The following EXOC4 variants were observed in gnomAD, a reference collection of about 807,000 sequenced individuals.
EXOC4 encodes the protein exocyst complex component 4.
EXOC4 carries 71 observed loss-of-function variants against 107.2 expected under a neutral mutation model. The ratio of observed to expected loss-of-function variants is 0.66; its 90% CI spans 0.55 to 0.81. The LOEUF is 0.81. Ranked by LOEUF, EXOC4 falls within the 30% of genes least tolerant of loss-of-function variation. The pLI, the probability that EXOC4 is intolerant of heterozygous loss-of-function variation, is 0.00. For synonymous variants in EXOC4, 456 were observed against 441.2 expected, an observed-to-expected ratio of 1.03 and a Z score of -0.42; for missense variants, 1,108 against 1,189.6, an observed-to-expected ratio of 0.93 and a Z score of 1.01.
At chr7:133,424,214 C>A (rs1797671050) in intron 7 of EXOC4, among the ~76,000 whole-genome samples, 1 of 152,164 alleles carries the variant, frequency 6.6e-6, no homozygotes, top group African/African-American at 2.4e-5. Context: ...ATAAATTTTG[C>A]TGCTGCTCAC....
At chr7:133,448,376 C>A (rs911953497) in intron 7 of EXOC4, among the ~76,000 whole-genome samples, 3 of 152,076 alleles carry the variant, frequency 2.0e-5, no homozygotes, top group African/African-American at 7.2e-5. Context: ...TGGCTTACTG[C>A]AGCCTTGACC....
At chr7:133,340,082 T>C (rs1158324104) in intron 5 of EXOC4, among the ~76,000 whole-genome samples, 1 of 152,230 alleles carries the variant, frequency 6.6e-6, no homozygotes, top group Non-Finnish European at 1.5e-5. Context: ...ATCCTTGTCT[T>C]GTTCCAGTTC....
chr7:134,037,947 C>T (rs1325072779), intron 17 of EXOC4, among the ~76,000 whole-genome samples: 2 of 152,184 alleles, frequency 1.3e-5, no homozygotes, highest in East Asian at 1.9e-4. Flanking sequence ...ATTCTGATCC[C>T]GGGGAGTTTT....
At chr7:134,012,628 G>A (rs185231773) in intron 17 of EXOC4, among the ~76,000 whole-genome samples, 46 of 152,248 alleles carry the variant, frequency 3.0e-4, no homozygotes, top group African/African-American at 1.0e-3. Flanking sequence ...AAAGGGAGCC[G>A]GCAATACAAC....
intron 11 of EXOC4, among the ~76,000 whole-genome samples, chr7:133,865,792 C>A (rs149185711): frequency 1.6e-4 from 24 of 152,156 alleles, no homozygotes; most frequent in African/African-American, 5.6e-4. Context: ...CTAACTATCA[C>A]GAGAACATCA....
intron 14 of EXOC4, among the ~76,000 whole-genome samples, chr7:133,996,014 G>A (rs185328268): frequency 1.3e-5 from 2 of 152,256 alleles, no homozygotes; most frequent in East Asian, 1.9e-4. Context: ...AGAGAAGGAT[G>A]TTCATACAGA....
chr7:133,270,811 A>C (rs1005047960), intron 1 of EXOC4, among the ~76,000 whole-genome samples: 1 of 151,814 alleles, frequency 6.6e-6, no homozygotes, highest in Non-Finnish European at 1.5e-5. Flanking sequence ...CTGCACTGCT[A>C]TCTGTTCAGG....
intron 10 of EXOC4, among the ~76,000 whole-genome samples, chr7:133,681,498 A>G (rs1444596165): frequency 6.6e-6 from 1 of 152,160 alleles, no homozygotes; most frequent in East Asian, 1.9e-4. Context: ...TAGCGAAGCA[A>G]AGCAAATTCC....
At chr7:134,062,098 C>A (rs1047288157) in intron 17 of EXOC4, among the ~76,000 whole-genome samples, 1 of 152,118 alleles carries the variant, frequency 6.6e-6, no homozygotes, top group East Asian at 1.9e-4. Flanking sequence ...AATGAACACT[C>A]GTTTAAAACC....
At chr7:133,404,464 C>T (rs957841442) in intron 7 of EXOC4, among the ~76,000 whole-genome samples, 7 of 151,960 alleles carry the variant, frequency 4.6e-5, no homozygotes, top group African/African-American at 1.7e-4. Flanking sequence ...CAAGGCCTTC[C>T]TTGAGTCTGG....
At chr7:133,370,783 G>A (rs548659312) in intron 6 of EXOC4, among the ~76,000 whole-genome samples, 10 of 152,268 alleles carry the variant, frequency 6.6e-5, no homozygotes, top group East Asian at 1.9e-4. Flanking sequence ...AAATTTAGAC[G>A]AAGGAAACTT....
At chr7:133,514,552 T>A (rs938447465) in intron 9 of EXOC4, among the ~76,000 whole-genome samples, 1 of 152,166 alleles carries the variant, frequency 6.6e-6, no homozygotes, top group African/African-American at 2.4e-5. Context: ...TTTAGAAAAT[T>A]TGACCAAGAG....
intron 8 of EXOC4, among the ~76,000 whole-genome samples, chr7:133,478,331 T>A (rs1425355430): frequency 6.6e-6 from 1 of 151,738 alleles, no homozygotes; most frequent in East Asian, 1.9e-4. Context: ...AAAAAGAAAT[T>A]GTTGGAAATG....
chr7:134,027,687 T>C (rs1163885457), intron 17 of EXOC4, among the ~76,000 whole-genome samples: 2 of 148,864 alleles, frequency 1.3e-5, no homozygotes, highest in African/African-American at 4.9e-5. Context: ...TTGGCTGAGC[T>C]GACTTTGTAG....
chr7:133,306,198 A>G (rs1794750895), intron 4 of EXOC4, 137 bp downstream of exon 4: 2 of 650,768 alleles, frequency 3.1e-6, no homozygotes, highest in Non-Finnish European at 2.5e-6. Context: ...AGATGGTTTT[A>G]TAATAGCAAA....
chr7:133,469,165 C>A (rs2150838419), intron 7 of EXOC4, among the ~76,000 whole-genome samples: 1 of 152,288 alleles, frequency 6.6e-6, no homozygotes, highest in East Asian at 1.9e-4. Flanking sequence ...CGCCTGTAAT[C>A]CCAGCACTTT....
chr7:133,520,243 C>T (rs2150909342), intron 9 of EXOC4, among the ~76,000 whole-genome samples: 1 of 152,256 alleles, frequency 6.6e-6, no homozygotes, highest in East Asian at 1.9e-4. Flanking sequence ...AAAACCTGAG[C>T]ATGTATCTTA....
intron 14 of EXOC4, among the ~76,000 whole-genome samples, chr7:133,992,293 G>T (rs1311077743): frequency 1.8e-5 from 2 of 114,192 alleles, no homozygotes; most frequent in Non-Finnish European, 3.8e-5. Context: ...TTGTTTGTTT[G>T]TTTTTTTGAT....
chr7:134,022,481 T>TC (rs1348038868), intron 17 of EXOC4, among the ~76,000 whole-genome samples: 1 of 152,182 alleles, frequency 6.6e-6, no homozygotes, highest in African/African-American at 2.4e-5. Context: ...ATTTTAAGGC[T>TC]CCTTCCACCA....
Sources: allele counts gnomAD v4.1 joint callset (sites outside exome capture counted in the v4.1 genomes callset), GRCh38; gene constraint gnomAD v4.1.1; transcripts MANE v1.5; gene names NCBI Gene and HGNC (gene_info 2026-07-23, HGNC 2026-07-21).